TTC28: variants seen among roughly 807,000 people sequenced by gnomAD.
TTC28 encodes the protein tetratricopeptide repeat domain 28, also known as tetratricopeptide repeat protein 28.
In TTC28, 61 loss-of-function variants were observed where a neutral mutation model predicts 198.0. The observed-to-expected ratio is 0.31, with a 90% CI of 0.25 to 0.38. TTC28 has a LOEUF of 0.38. Among genes scored for constraint, TTC28 ranks in the 10% least tolerant of loss-of-function variants. TTC28 has a pLI of 1.00. For synonymous variants in TTC28, 1,171 were observed against 1,297.8 expected (o/e 0.90, Z 2.10); for missense variants, 2,678 against 3,164.0 (o/e 0.85, Z 3.69).
rs71316840 is a variant in TTC28 at position 28,466,820 on chromosome 22, T to TACATACACACACAC, written c.382-160178_382-160177insGTGTGTGTGTATGT. Among the ~76,000 whole-genome samples, 10 of 143,916 alleles carry TACATACACACACAC rather than the reference T, an allele frequency of 6.9e-5. No individual in the cohort carries two copies. In the East Asian group the frequency reaches 1.5e-3, roughly 21 times the overall value. The allele number at this position is 143,916 out of a possible 152,430, so 94.4% of individuals were successfully genotyped here. On this transcript the variant is annotated intron_variant, in intron 2 of 22. Transcript: ENST00000397906. ...AGTATTCTCACATTATATACATACA[T>TACATACACACACAC]ACACACACACACACACACACACACA...
chr22:28,025,319 T>C (rs144171457), intron 13 of TTC28, among the ~76,000 whole-genome samples: 273 of 152,286 alleles, frequency 1.8e-3, no homozygotes, highest in Middle Eastern at 3.4e-3. Flanking sequence ...TTAACCTTAT[T>C]GCATCCTAGT....
At chr22:28,265,406 A>G (rs1277669040) in intron 5 of TTC28, among the ~76,000 whole-genome samples, 2 of 152,210 alleles carry the variant, frequency 1.3e-5, no homozygotes, top group Non-Finnish European at 2.9e-5. Flanking sequence ...GGTAGGTACC[A>G]GACCACCAAC....
intron 2 of TTC28, among the ~76,000 whole-genome samples, chr22:28,514,196 A>G (rs965889708): frequency 4.6e-5 from 7 of 152,234 alleles, no homozygotes; most frequent in Non-Finnish European, 8.8e-5. Context: ...TGCCATATCT[A>G]TTAGTGTAGC....
chr22:28,344,663 G>A (rs528072337), intron 2 of TTC28, among the ~76,000 whole-genome samples: 1 of 152,112 alleles, frequency 6.6e-6, no homozygotes, highest in Admixed American at 6.5e-5. Flanking sequence ...CAATAAGATA[G>A]AGTCCACTGT....
chr22:28,192,401 C>T (rs1002297003), intron 5 of TTC28, among the ~76,000 whole-genome samples: 7 of 152,154 alleles, frequency 4.6e-5, no homozygotes, highest in Admixed American at 1.3e-4. Flanking sequence ...TTCAAAGGAA[C>T]GCAGCTCCTC....
intron 1 of TTC28, among the ~76,000 whole-genome samples, chr22:28,655,160 G>A (rs904555007): frequency 1.3e-5 from 2 of 152,172 alleles, no homozygotes; most frequent in Non-Finnish European, 2.9e-5. Context: ...TTGAGCACAT[G>A]TGCTCTGTGC....
chr22:28,494,599 T>C (rs1374301863), intron 2 of TTC28, among the ~76,000 whole-genome samples: 1 of 152,196 alleles, frequency 6.6e-6, no homozygotes, highest in Admixed American at 6.5e-5. Context: ...TATAAAAGCC[T>C]TCCCCTCGTG....
chr22:28,164,513 T>G (rs1423437910), intron 5 of TTC28, among the ~76,000 whole-genome samples: 1 of 152,206 alleles, frequency 6.6e-6, no homozygotes, highest in Admixed American at 6.5e-5. Flanking sequence ...CAGCCACTGC[T>G]GCTGATACCC....
chr22:28,673,323 G>A (rs965200495), intron 1 of TTC28, among the ~76,000 whole-genome samples: 2 of 152,154 alleles, frequency 1.3e-5, no homozygotes, highest in African/African-American at 4.8e-5. Flanking sequence ...GCAGTGAGCA[G>A]AGATCGCGCC....
intron 16 of TTC28, 194 bp downstream of exon 16, chr22:27,998,346 A>G: frequency 1.1e-6 from 1 of 928,188 alleles, no homozygotes; most frequent in East Asian, 2.7e-5. Flanking sequence ...TCCCTGGTCC[A>G]AAGATGATCT....
At chr22:28,233,111 A>G (rs990736365) in intron 5 of TTC28, among the ~76,000 whole-genome samples, 12 of 152,182 alleles carry the variant, frequency 7.9e-5, no homozygotes, top group Admixed American at 7.9e-4. Context: ...TCAAAAAAAA[A>G]AAAATCCATT....
At chr22:28,247,028 T>C (rs1169411395) in intron 5 of TTC28, among the ~76,000 whole-genome samples, 1 of 152,138 alleles carries the variant, frequency 6.6e-6, no homozygotes, top group African/African-American at 2.4e-5. Context: ...GAGGGCAAGA[T>C]CTGTCTGACC....
chr22:28,574,376 TTGTG>T (rs1020540205), intron 2 of TTC28, among the ~76,000 whole-genome samples: 24 of 151,136 alleles, frequency 1.6e-4, no homozygotes, highest in African/African-American at 4.6e-4. Context: ...TGTGTGTGTG[TTGTG>T]TGTGAGTGTG....
chr22:28,133,897 C>A (rs953754234), intron 6 of TTC28, among the ~76,000 whole-genome samples: 1 of 152,302 alleles, frequency 6.6e-6, no homozygotes, highest in East Asian at 1.9e-4. Context: ...GATCTGAGAG[C>A]GGACAGACTG....
At chr22:28,120,859 C>T (rs574696373) in intron 6 of TTC28, among the ~76,000 whole-genome samples, 1 of 151,396 alleles carries the variant, frequency 6.6e-6, no homozygotes, top group South Asian at 2.1e-4. Context: ...TTTAAAAATT[C>T]ACACTGGATG....
intron 2 of TTC28, among the ~76,000 whole-genome samples, chr22:28,443,529 G>C (rs956654136): frequency 2.0e-5 from 3 of 151,868 alleles, no homozygotes; most frequent in Non-Finnish European, 4.4e-5. Context: ...TACCTTCCCT[G>C]AACACTGTAA....
At position 28,086,189 on chromosome 22, in the gene TTC28, C is replaced by A. The variant is rs576069055; in HGVS notation, c.3932+7891G>T. Among the ~76,000 whole-genome samples the A allele has an allele frequency of 7.2e-5, 11 of 152,206 alleles. No individual in the cohort carries two copies. In the South Asian group the frequency reaches 1.5e-3, roughly 20 times the overall value. On this transcript the variant is annotated intron_variant, in intron 12 of 22. Coordinates refer to ENST00000397906, the MANE Select transcript of TTC28 (RefSeq NM_001145418.2). ...TAATAGACATCTACAGAACTCTCCA[C>A]CCCAAATCAACAGAATATACATTTT...
chr22:28,078,475 A>G (rs571714521), intron 12 of TTC28, among the ~76,000 whole-genome samples: 1 of 152,166 alleles, frequency 6.6e-6, no homozygotes, highest in African/African-American at 2.4e-5. Flanking sequence ...GGGCATCACC[A>G]TCTGCTTGGA....
At chr22:28,497,138 C>T (rs923702003) in intron 2 of TTC28, among the ~76,000 whole-genome samples, 2 of 152,098 alleles carry the variant, frequency 1.3e-5, no homozygotes, top group South Asian at 2.1e-4. Context: ...CAGAACTTAT[C>T]GACATCTAAT....
Sources: gnomAD v4.1 joint callset for allele counts (sites outside exome capture counted in the v4.1 genomes callset) on GRCh38, gnomAD v4.1.1 for gene constraint, MANE v1.5 for transcripts, NCBI Gene and HGNC (gene_info 2026-07-23, HGNC 2026-07-21) for gene names.